The following PIAS4 variants were observed in gnomAD, a reference collection of about 807,000 sequenced individuals.
The protein encoded by PIAS4 is protein inhibitor of activated STAT 4.
In PIAS4, 7 loss-of-function variants were observed where a neutral mutation model predicts 58.0. That is an observed-to-expected ratio of 0.12 (90% CI 0.07 to 0.23). The LOEUF (loss-of-function observed/expected upper bound fraction) is 0.23, where lower values mean the gene tolerates loss of function less well. PIAS4 is among the 10% of genes least tolerant of loss of function. The probability of loss-of-function intolerance (pLI) is 1.00; values close to 1 mark genes in which losing one functional copy is unlikely to be tolerated. For missense variants in PIAS4, 550 were observed against 709.5 expected (o/e 0.78, Z 2.55); for synonymous variants, 364 against 312.4 (o/e 1.17, Z -1.74).
In PIAS4 at chr19:4,038,740, A is replaced by C. The variant is rs901993623; in HGVS notation, c.*865A>C. 1 of 154,728 alleles carries C rather than the reference A, an allele frequency of 6.5e-6. No homozygotes were observed. The highest frequency in any genetic ancestry group is 2.4e-5 in the African/African-American group (1 of 41,410). The allele number at this position is 154,728 out of a possible 1,614,324, so 9.6% of individuals were successfully genotyped here. A position where few individuals can be genotyped will look rare whatever the true frequency, so the allele number is the denominator to read the frequency against. On this transcript the variant is annotated 3_prime_UTR_variant, in exon 11 of 11. Transcript: ENST00000262971. This position sits in a 1 kb window ranked among gnomAD's most constrained non-coding sequence, Gnocchi z 4.1. ...AGCTGCCGCCGCCGCCGCCGCCACC[A>C]TACCCCGGTCCTTGGGGCATGGGTT... is the stretch of plus-strand genomic sequence containing the variant.
intron 2 of PIAS4, among the ~76,000 whole-genome samples, chr19:4,014,593 G>A (rs867076461): frequency 4.2e-4 from 64 of 152,156 alleles, no homozygotes; most frequent in African/African-American, 1.4e-3. Flanking sequence ...AGTAAACATC[G>A]GAGCGCCTGC....
Position 4,038,092 on chromosome 19 carries a change from A to G in PIAS4, c.*217A>G, listed in dbSNP as rs1448669389. The G allele has an allele frequency of 7.3e-6, 4 of 551,296 alleles. No individual in the cohort carries two copies. Among genetic ancestry groups the G allele is most frequent in the Non-Finnish European group, 1.2e-5 (4 of 323,842 alleles). The allele number at this position is 551,296 out of a possible 1,614,324, so 34.2% of individuals were successfully genotyped here. A position where few individuals can be genotyped will look rare whatever the true frequency, so the allele number is the denominator to read the frequency against. The stretch of plus-strand genomic sequence containing the variant: ...TGACAAAAAAAGATACAAAAAAGAA[A>G]AATGAAACAAAAAAGTCAAACTCTT... On this transcript the variant is annotated 3_prime_UTR_variant, in exon 11 of 11. Transcript: ENST00000262971. The surrounding 1 kb of genome is among the most constrained non-coding windows in gnomAD (Gnocchi z 4.1).
rs371055074 is a variant in PIAS4, at chr19:4,037,626, C to T, written c.1284C>T (p.Asp428=). ...CCCTGTTGCCCGTAGGCCCCTCGGA[C>T]GCCAATGGGCTCCTGCCCGCCCCCA... ...QGAILVLGPS[D]ANGLLPAPSV... Residue 428 remains aspartate (D), a synonymous_variant, in exon 11 of 11, where the codon GAC becomes GAT. Coordinates refer to ENST00000262971, the MANE Select transcript of PIAS4 (RefSeq NM_015897.4). The surrounding 1 kb of genome is among the most constrained non-coding windows in gnomAD (Gnocchi z 5.8). 512 of 1,610,746 alleles carry T rather than the reference C, an allele frequency of 3.2e-4. 3 individuals are homozygous for T. In the South Asian group the frequency reaches 4.1e-3, roughly 13 times the overall value.
chr19:4,028,040 A>G, intron 3 of PIAS4, 106 bp from the exon 4 acceptor site: 1 of 1,052,840 alleles, frequency 9.5e-7, no homozygotes. Flanking sequence ...GCTCTGGGGG[A>G]GGGAGCCTTG....
At chr19:4,028,234 C>T in intron 4 of PIAS4, 47 bp downstream of exon 4, 1 of 1,453,516 alleles carries the variant, frequency 6.9e-7, no homozygotes, top group Non-Finnish European at 9.5e-7. Context: ...CCCCAGCCAC[C>T]CGCCCCTCCC....
intron 7 of PIAS4, among the ~76,000 whole-genome samples, chr19:4,032,259 G>T (rs2040229562): frequency 6.6e-6 from 1 of 152,194 alleles, no homozygotes. Context: ...ACTTGGGCAG[G>T]TGGCTTCCTG....
In PIAS4 at chr19:4,013,715, T is replaced by C. The variant is rs2144908328; in HGVS notation, c.454+366T>C. ...GGGCTGGAGCAGGCACATCCTTGTG[T>C]GGTGGCTGGCAGGCCTCAGCTCCTC... On this transcript the variant is annotated intron_variant, in intron 2 of 10. Coordinates refer to ENST00000262971, the MANE Select transcript of PIAS4 (RefSeq NM_015897.4). The surrounding 1 kb of genome is among the most constrained non-coding windows in gnomAD (Gnocchi z 5.1). Among the ~76,000 whole-genome samples, 1 of 152,146 alleles carries C rather than the reference T, an allele frequency of 6.6e-6. No homozygotes were observed. The highest frequency in any genetic ancestry group is 1.9e-4 in the East Asian group (1 of 5,166).
At chr19:4,021,119 A>G (rs1380253337) in intron 2 of PIAS4, among the ~76,000 whole-genome samples, 3 of 152,092 alleles carry the variant, frequency 2.0e-5, no homozygotes, top group Non-Finnish European at 4.4e-5. Context: ...TAGCCATGCT[A>G]GTGGGTGTGT....
At chr19:4,010,994 G>A (rs1024851635) in intron 1 of PIAS4, among the ~76,000 whole-genome samples, 2 of 152,212 alleles carry the variant, frequency 1.3e-5, no homozygotes, top group Admixed American at 1.3e-4. Context: ...GCTGACAGAT[G>A]AGGACCCGAC....
rs920365601 is a variant in PIAS4, at chr19:4,030,064, C to T, written c.907+1028C>T. Among the ~76,000 whole-genome samples the T allele has an allele frequency of 2.2e-4, 34 of 151,708 alleles. 1 individual carries two copies. Among genetic ancestry groups the T allele is most frequent in the East Asian group, 3.9e-4 (2 of 5,066 alleles). On this transcript the variant is annotated intron_variant, in intron 7 of 10. Transcript: ENST00000262971. ...GTCTTAAGCTCCTGACCTCGTGATC[C>T]GCTTGCCTCGGCCTCCCAAAGTGCT...
intron 9 of PIAS4, among the ~76,000 whole-genome samples, chr19:4,034,575 T>A (rs1023579192): frequency 6.6e-6 from 1 of 152,174 alleles, no homozygotes; most frequent in Non-Finnish European, 1.5e-5. Flanking sequence ...CATCCCAGCT[T>A]CGGGTAGAGA....
Position 4,024,089 on chromosome 19 carries a change from C to T in PIAS4, c.508C>T (p.Pro170Ser). The stretch of plus-strand genomic sequence containing the variant: ...GAGCCCGTGCATCTTCGCATTGACG[C>T]CAAGACAGGTGGAGTTGATCCGGAA... ...QESPCIFALTPRQVELIRNSR... is the reference protein window; with the variant it reads ...QESPCIFALTSRQVELIRNSR... Residue 170 changes from proline to serine, a missense_variant, in exon 3 of 11, where the codon CCA becomes TCA. Pro to Ser is a moderately conservative substitution (Grantham distance 74). Around this residue, in one of 4 missense-constraint regions of PIAS4, gnomAD observed 225 missense variants for 345.8 expected, o/e 0.65. Transcript: ENST00000262971. The T allele has an allele frequency of 6.2e-7, 1 of 1,614,000 alleles. No individual in the cohort carries two copies. Among genetic ancestry groups the T allele is most frequent in the African/African-American group, 1.3e-5 (1 of 75,050 alleles).
chr19:4,008,606 T>G (rs2039965229), intron 1 of PIAS4, among the ~76,000 whole-genome samples: 3 of 152,148 alleles, frequency 2.0e-5, no homozygotes, highest in African/African-American at 4.8e-5. Context: ...TCTTAAATCC[T>G]GGACTGTGCT....
At chr19:4,026,073 CAAAAA>C (rs34554020) in intron 3 of PIAS4, among the ~76,000 whole-genome samples, 3 of 76,806 alleles carry the variant, frequency 3.9e-5, no homozygotes, top group African/African-American at 6.0e-5. Flanking sequence ...GACTCCGTCT[CAAAAA>C]AAAAAAAAAA....
At chr19:4,028,059 C>A in intron 3 of PIAS4, 87 bp from the exon 4 acceptor site, 1 of 1,241,476 alleles carries the variant, frequency 8.1e-7, no homozygotes, top group Admixed American at 1.7e-5. Context: ...TGTGGTGTGG[C>A]GGTCTCCACC....
At chr19:4,033,669 C>T in intron 9 of PIAS4, 89 bp downstream of exon 9, 4 of 1,128,266 alleles carry the variant, frequency 3.5e-6, no homozygotes, top group Non-Finnish European at 2.5e-6. Context: ...CACATGGTGC[C>T]CCAGCAAGAC....
At chr19:4,015,904 G>A (rs1200398806) in intron 2 of PIAS4, among the ~76,000 whole-genome samples, 1 of 152,236 alleles carries the variant, frequency 6.6e-6, no homozygotes. Flanking sequence ...GCTGGGGGAG[G>A]GGGTGACAGA....
intron 9 of PIAS4, among the ~76,000 whole-genome samples, chr19:4,035,752 TCACACA>T (rs1201731707): frequency 1.7e-5 from 1 of 59,900 alleles, no homozygotes; most frequent in African/African-American, 5.4e-5. Context: ...GTCCACACCA[TCACACA>T]CACACACCCA....
At chr19:4,008,735 A>G (rs913491746) in intron 1 of PIAS4, among the ~76,000 whole-genome samples, 4 of 151,164 alleles carry the variant, frequency 2.6e-5, no homozygotes, top group Non-Finnish European at 5.9e-5. Context: ...TGCTTCTCCT[A>G]TTTTCTGCTC....
Sources: gnomAD v4.1 joint callset for allele counts (sites outside exome capture counted in the v4.1 genomes callset) on GRCh38, gnomAD v4.1.1 for gene constraint, gnomAD v4.1.1 regional missense constraint, Gnocchi (gnomAD v3.1) non-coding constraint, MANE v1.5 for transcripts, NCBI Gene and HGNC (gene_info 2026-07-23, HGNC 2026-07-21) for gene names.